CLDN16: variants seen among roughly 807,000 people sequenced by gnomAD.
The protein encoded by CLDN16 is claudin-16.
In CLDN16, 13 loss-of-function variants were observed where a neutral mutation model predicts 24.6. The observed-to-expected ratio is 0.53, with a 90% CI of 0.34 to 0.84. The LOEUF (loss-of-function observed/expected upper bound fraction) is 0.84, where lower values mean the gene tolerates loss of function less well. Ranked by LOEUF, CLDN16 falls within the 40% of genes least tolerant of loss-of-function variation. The pLI is 0.01. For synonymous variants in CLDN16, 116 were observed against 106.7 expected, an observed-to-expected ratio of 1.09 and a Z score of -0.54; for missense variants, 298 against 292.7, an observed-to-expected ratio of 1.02 and a Z score of -0.13.
At position 190,409,957 on chromosome 3, in the gene CLDN16, C is replaced by T. The variant is rs1719230472; in HGVS notation, c.629C>T (p.Ala210Val). ...TCCTTGAGGAAAGCCTATTCAGCCG[C>T]GGGTGTTTCCATGGCCAAGTCATAC... ...PYSLRKAYSA[A>V]GVSMAKSYSA... The change falls in exon 5 of 5, where the codon GCG becomes GTG. Residue 210 changes from alanine (A) to valine (V), a missense_variant. By Grantham distance (64) the Ala-to-Val change is moderately conservative. Transcript: ENST00000264734. The T allele has an allele frequency of 6.2e-7, 1 of 1,613,786 alleles. No homozygotes were observed. Among genetic ancestry groups the T allele is most frequent in the African/African-American group, 1.3e-5 (1 of 74,876 alleles).
chr3:190,406,065 C>A (rs988211444), intron 3 of CLDN16, among the ~76,000 whole-genome samples: 4 of 152,096 alleles, frequency 2.6e-5, no homozygotes, highest in Admixed American at 2.0e-4. Flanking sequence ...TATATTCACC[C>A]GTGTCTCTGT....
At chr3:190,306,018 A>G in the CLDN16 span, 1 of 152,216 alleles carries the variant, frequency 6.6e-6, no homozygotes, top group Non-Finnish European at 1.5e-5. Flanking sequence ...GCACACTAAA[A>G]TTTATTAGGT....
chr3:190,339,078 T>C (rs1271556963), intron 1 of CLDN16, among the ~76,000 whole-genome samples: 1 of 152,192 alleles, frequency 6.6e-6, no homozygotes, highest in Non-Finnish European at 1.5e-5. Flanking sequence ...AAGAAAATTA[T>C]CTGATTATAA....
intron 1 of CLDN16, among the ~76,000 whole-genome samples, chr3:190,368,844 T>C (rs937897202): frequency 2.6e-5 from 4 of 151,974 alleles, no homozygotes; most frequent in African/African-American, 9.7e-5. Flanking sequence ...TTTTCTAAGC[T>C]AGCCAAACCC....
At chr3:190,313,200 G>A in the CLDN16 span, 111,796 of 674,066 alleles carry the variant, frequency 0.17, 12,495 homozygotes, top group East Asian at 0.52. Flanking sequence ...CCAATATACA[G>A]TATCTTCTCC....
At chr3:190,300,473 C>T in the CLDN16 span, among the ~76,000 whole-genome samples, 7 of 152,080 alleles carry the variant, frequency 4.6e-5, no homozygotes, top group Non-Finnish European at 8.8e-5. Context: ...AACTATAGCC[C>T]GTAGGCTAAA....
At chr3:190,292,206 T>C in the CLDN16 span, among the ~76,000 whole-genome samples, 2 of 152,178 alleles carry the variant, frequency 1.3e-5, no homozygotes, top group African/African-American at 4.8e-5. Flanking sequence ...ATCCAGGCAT[T>C]TTCATACATC....
chr3:190,320,042 A>C (rs1396173607), upstream of CLDN16, among the ~76,000 whole-genome samples: 1 of 151,974 alleles, frequency 6.6e-6, no homozygotes, highest in Non-Finnish European at 1.5e-5. Context: ...TGGAGTTTTA[A>C]AAAAATAGGA....
In CLDN16 at chr3:190,397,301, G is replaced by A. The variant is rs375209091; in HGVS notation, c.115-5036G>A. ...CAATACAAATTAGCATTGTTTTAAC[G>A]TTATTTATCAATATATAAGTTGCAT... is the stretch of plus-strand genomic sequence containing the variant. On this transcript the variant is annotated intron_variant, in intron 1 of 4. Transcript: ENST00000264734. Among the ~76,000 whole-genome samples, 18 of 151,678 alleles carry A rather than the reference G, an allele frequency of 1.2e-4. No individual in the cohort carries two copies. In the East Asian group the frequency reaches 2.9e-3, roughly 25 times the overall value.
chr3:190,401,900 AAC>A (rs1718972058), intron 1 of CLDN16, among the ~76,000 whole-genome samples: 1 of 152,114 alleles, frequency 6.6e-6, no homozygotes, highest in African/African-American at 2.4e-5. Flanking sequence ...GTGATAAAGA[AAC>A]AATATATATT....
intron 1 of CLDN16, among the ~76,000 whole-genome samples, chr3:190,359,882 A>G (rs547949478): frequency 6.6e-5 from 10 of 152,120 alleles, no homozygotes; most frequent in Admixed American, 3.9e-4. Flanking sequence ...CTTGTGGCCT[A>G]AAAGGAGCTA....
At chr3:190,290,936 A>G in the CLDN16 span, among the ~76,000 whole-genome samples, 1 of 152,200 alleles carries the variant, frequency 6.6e-6, no homozygotes, top group African/African-American at 2.4e-5. Flanking sequence ...AATAACTGTC[A>G]GTTGGTGATA....
chr3:190,405,251 A>T (rs1314904656), intron 3 of CLDN16, among the ~76,000 whole-genome samples: 1 of 152,050 alleles, frequency 6.6e-6, no homozygotes, highest in Non-Finnish European at 1.5e-5. Flanking sequence ...CATCATGGTG[A>T]AACCCTATCC....
At chr3:190,351,183 A>G (rs1717665233) in intron 1 of CLDN16, among the ~76,000 whole-genome samples, 1 of 151,690 alleles carries the variant, frequency 6.6e-6, no homozygotes, top group African/African-American at 2.4e-5. Context: ...CCTTGATTGG[A>G]AGCTTCCTGA....
At chr3:190,307,906 T>A in the CLDN16 span, 1 of 169,782 alleles carries the variant, frequency 5.9e-6, no homozygotes, top group Non-Finnish European at 1.3e-5. Context: ...AGAGATATTT[T>A]AAGTATGCTA....
chr3:190,359,941 G>C (rs1435334383), intron 1 of CLDN16, among the ~76,000 whole-genome samples: 1 of 151,960 alleles, frequency 6.6e-6, no homozygotes, highest in Non-Finnish European at 1.5e-5. Flanking sequence ...GCACTGAAAG[G>C]TATTTGAATG....
At chr3:190,342,896 C>T (rs1352682250) in intron 1 of CLDN16, among the ~76,000 whole-genome samples, 1 of 152,118 alleles carries the variant, frequency 6.6e-6, no homozygotes, top group Admixed American at 6.5e-5. Flanking sequence ...TGACATTGGC[C>T]TTGGCAATGA....
At chr3:190,314,229 C>G in the CLDN16 span, among the ~76,000 whole-genome samples, 1 of 152,086 alleles carries the variant, frequency 6.6e-6, no homozygotes, top group East Asian at 1.9e-4. Flanking sequence ...TTTTGTATCT[C>G]AATATCTAAT....
chr3:190,365,106 T>C (rs570820729), intron 1 of CLDN16, among the ~76,000 whole-genome samples: 10 of 151,914 alleles, frequency 6.6e-5, no homozygotes, highest in Non-Finnish European at 1.3e-4. Flanking sequence ...TGTTTATCTC[T>C]TCCTAAGAAC....
Sources: gnomAD v4.1 joint callset for allele counts (sites outside exome capture counted in the v4.1 genomes callset) on GRCh38, gnomAD v4.1.1 for gene constraint, MANE v1.5 for transcripts, NCBI Gene and HGNC (gene_info 2026-07-23, HGNC 2026-07-21) for gene names.